The following TRPC5 variants were observed in gnomAD, a reference collection of about 807,000 sequenced individuals.
TRPC5 encodes short transient receptor potential channel 5.
In TRPC5, 9 loss-of-function variants were observed where a neutral mutation model predicts 56.5. The observed-to-expected ratio is 0.16, with a 90% CI of 0.10 to 0.28. The LOEUF (loss-of-function observed/expected upper bound fraction) is 0.28, where lower values mean the gene tolerates loss of function less well. Among genes scored for constraint, TRPC5 ranks in the 10% least tolerant of loss-of-function variants. The probability of loss-of-function intolerance (pLI) is 1.00; values close to 1 mark genes in which losing one functional copy is unlikely to be tolerated. For missense variants in TRPC5, 469 were observed against 748.9 expected, an observed-to-expected ratio of 0.63 and a Z score of 4.36; for synonymous variants, 282 against 278.5, an observed-to-expected ratio of 1.01 and a Z score of -0.13.
At chrX:112,000,614 T>C (rs1020398669) in intron 1 of TRPC5, among the ~76,000 whole-genome samples, 1 of 111,497 alleles carries the variant, frequency 9.0e-6, no homozygotes, top group Admixed American at 9.5e-5. Flanking sequence ...AATACTAATA[T>C]CTTCTTCCTA....
chrX:111,942,746 C>A (rs1385674499), intron 2 of TRPC5, among the ~76,000 whole-genome samples: 2 of 112,179 alleles, frequency 1.8e-5, no homozygotes, highest in East Asian at 5.6e-4. Flanking sequence ...ATTTGATTGA[C>A]AAAATCCATT....
Position 112,078,295 on chromosome X carries a change from C to T in TRPC5, c.-22+3584G>A, listed in dbSNP as rs141460783. On this transcript the variant is annotated intron_variant, in intron 1 of 10. Coordinates refer to ENST00000262839, the MANE Select transcript of TRPC5 (RefSeq NM_012471.3). Reference sequence around the variant, plus strand: ...ATGACAGCAGCATATAATATAAACACGTATACATACATATGGAATGGAAGT... The same window carrying T: ...ATGACAGCAGCATATAATATAAACATGTATACATACATATGGAATGGAAGT... 5.3e-3 allele frequency among the ~76,000 whole-genome samples: 597 copies of T among 111,636 alleles called. 6 individuals are homozygous for T. The highest frequency in any genetic ancestry group is 0.019 in the African/African-American group (570 of 30,738).
chrX:112,051,279 C>T (rs1489677207), intron 1 of TRPC5, among the ~76,000 whole-genome samples: 1 of 112,390 alleles, frequency 8.9e-6, no homozygotes, highest in Non-Finnish European at 1.9e-5. Flanking sequence ...ACAGTGGATA[C>T]CTACTGCTGC....
intron 5 of TRPC5, among the ~76,000 whole-genome samples, chrX:111,849,798 G>A (rs895909993): frequency 8.9e-6 from 1 of 112,130 alleles, no homozygotes; most frequent in African/African-American, 3.2e-5. Flanking sequence ...ATCAGAGGCA[G>A]AATCTACAGC....
chrX:111,932,368 G>A (rs750769158), intron 2 of TRPC5, among the ~76,000 whole-genome samples: 2 of 111,597 alleles, frequency 1.8e-5, no homozygotes, highest in East Asian at 5.7e-4. Flanking sequence ...TTTAATACAT[G>A]AATTTTACCT....
chrX:111,825,847 A>T (rs1922217491), intron 7 of TRPC5, among the ~76,000 whole-genome samples: 2 of 111,677 alleles, frequency 1.8e-5, no homozygotes, highest in African/African-American at 3.3e-5. Context: ...GAGGAGCTAC[A>T]GCTGCTGCTG....
chrX:111,834,829 G>T, intron 7 of TRPC5, 92 bp downstream of exon 7: 1 of 653,428 alleles, frequency 1.5e-6, no homozygotes, highest in Non-Finnish European at 2.3e-6. Context: ...TGAGGCAGAC[G>T]AACTCTTTCA....
intron 3 of TRPC5, among the ~76,000 whole-genome samples, chrX:111,856,805 C>T (rs1310386879): frequency 3.2e-5 from 3 of 92,818 alleles, no homozygotes; most frequent in African/African-American, 1.2e-4. Context: ...GGCAGCAGAG[C>T]GAGACTCCAT....
rs781263953 is a variant in TRPC5, at chrX:111,889,053, A to C, written c.900+23238T>G. Reference sequence around the variant, plus strand: ...AGGAATCAATGTAATGAAAGTAGATAAACAAGTATGAGATTTTGGAGAAAG... The same window carrying C: ...AGGAATCAATGTAATGAAAGTAGATCAACAAGTATGAGATTTTGGAGAAAG... On this transcript the variant is annotated intron_variant, in intron 3 of 10. Transcript: ENST00000262839. Among the ~76,000 whole-genome samples, 14 of 112,401 alleles carry C rather than the reference A, an allele frequency of 1.2e-4. 1 individual carries two copies. The highest frequency in any genetic ancestry group is 9.4e-4 in the Admixed American group (10 of 10,637).
chrX:111,895,891 G>A (rs1925038408), intron 3 of TRPC5: 1 of 111,554 alleles, frequency 9.0e-6, no homozygotes, highest in African/African-American at 3.3e-5. Context: ...CCCTTTGGGA[G>A]TGGTTTTGAT....
chrX:111,861,281 CT>C (rs1240867534), intron 3 of TRPC5, among the ~76,000 whole-genome samples: 1 of 111,559 alleles, frequency 9.0e-6, no homozygotes, highest in East Asian at 2.8e-4. Flanking sequence ...CTTTGTGGTG[CT>C]TTTATTTTAG....
At chrX:111,890,071 T>A (rs1184788677) in intron 3 of TRPC5, among the ~76,000 whole-genome samples, 1 of 111,604 alleles carries the variant, frequency 9.0e-6, no homozygotes, top group African/African-American at 3.3e-5. Flanking sequence ...ATCCATGGAG[T>A]CAACCAACTG....
intron 1 of TRPC5, among the ~76,000 whole-genome samples, chrX:111,998,017 T>G (rs779492173): frequency 2.7e-5 from 3 of 111,756 alleles, no homozygotes; most frequent in South Asian, 3.8e-4. Flanking sequence ...TCATTCTCTG[T>G]CCAGCTCTGT....
chrX:111,793,875 A>G (rs5942754), intron 7 of TRPC5, among the ~76,000 whole-genome samples: 5,045 of 112,330 alleles, frequency 0.045, 136 homozygotes, highest in Non-Finnish European at 0.071. Context: ...GGCATTAAAG[A>G]GGAATGAAGC....
chrX:112,008,019 C>T (rs1334136267), intron 1 of TRPC5, among the ~76,000 whole-genome samples: 1 of 111,819 alleles, frequency 8.9e-6, no homozygotes, highest in Non-Finnish European at 1.9e-5. Context: ...GTAAAGTGTC[C>T]AGCTATACTC....
At chrX:112,077,891 G>A (rs886302067) in intron 1 of TRPC5, among the ~76,000 whole-genome samples, 2 of 111,065 alleles carry the variant, frequency 1.8e-5, no homozygotes, top group Non-Finnish European at 3.8e-5. Flanking sequence ...TTAATTTTTC[G>A]GAAAGAGTGT....
intron 1 of TRPC5, among the ~76,000 whole-genome samples, chrX:112,023,203 G>A (rs1480845441): frequency 1.9e-5 from 2 of 104,503 alleles, no homozygotes; most frequent in Non-Finnish European, 3.9e-5. Flanking sequence ...CAAAGTGCTG[G>A]GATTACAGGC....
At chrX:111,819,004 A>G (rs926438612) in intron 7 of TRPC5, among the ~76,000 whole-genome samples, 4 of 111,938 alleles carry the variant, frequency 3.6e-5, no homozygotes, top group Non-Finnish European at 7.5e-5. Flanking sequence ...CCAAAGTGAA[A>G]AAATTTGTCT....
intron 3 of TRPC5, among the ~76,000 whole-genome samples, chrX:111,871,911 GGAGT>G (rs1311925148): frequency 8.9e-6 from 1 of 111,857 alleles, no homozygotes; most frequent in Non-Finnish European, 1.9e-5. Context: ...TGTTCTTGCA[GGAGT>G]GAGTTCTCAT....
Sources: gnomAD v4.1 joint callset for allele counts (sites outside exome capture counted in the v4.1 genomes callset) on GRCh38, gnomAD v4.1.1 for gene constraint, MANE v1.5 for transcripts, NCBI Gene and HGNC (gene_info 2026-07-23, HGNC 2026-07-21) for gene names.